The following GRIA1 variants were observed in gnomAD, a reference collection of about 807,000 sequenced individuals.
GRIA1 encodes glutamate receptor 1.
GRIA1 carries 31 observed loss-of-function variants against 99.2 expected under a neutral mutation model. The observed-to-expected ratio is 0.31, with a 90% CI of 0.23 to 0.42. The LOEUF is 0.42. GRIA1 is among the 10% of genes least tolerant of loss of function. GRIA1 has a pLI of 1.00. For synonymous variants in GRIA1, 438 were observed against 432.4 expected (o/e 1.01, Z -0.16); for missense variants, 782 against 1,157.5 (o/e 0.68, Z 4.71).
At chr5:153,631,183 T>C (rs991163866) in intron 2 of GRIA1, among the ~76,000 whole-genome samples, 2 of 152,164 alleles carry the variant, frequency 1.3e-5, no homozygotes, top group Admixed American at 1.3e-4. Flanking sequence ...AAGGGGAACA[T>C]CTAGATAATC....
intron 11 of GRIA1, among the ~76,000 whole-genome samples, chr5:153,751,943 C>G (rs961125351): frequency 6.6e-6 from 1 of 152,222 alleles, no homozygotes; most frequent in African/African-American, 2.4e-5. Context: ...TCTTTCCTCT[C>G]CCACAGCCCC....
At chr5:153,493,033 C>T (rs1656755214) in intron 1 of GRIA1, among the ~76,000 whole-genome samples, 1 of 152,154 alleles carries the variant, frequency 6.6e-6, no homozygotes, top group African/African-American at 2.4e-5. Flanking sequence ...CTAGAAATGG[C>T]TGATTTTAAT....
intron 5 of GRIA1, among the ~76,000 whole-genome samples, chr5:153,667,016 A>T (rs1237488939): frequency 6.6e-6 from 1 of 152,180 alleles, no homozygotes; most frequent in African/African-American, 2.4e-5. Context: ...CTTCTAATAT[A>T]AGACTTTTCA....
intron 11 of GRIA1, among the ~76,000 whole-genome samples, chr5:153,762,579 C>G (rs971012534): frequency 1.3e-5 from 2 of 152,254 alleles, no homozygotes; most frequent in African/African-American, 2.4e-5. Flanking sequence ...CCTGGTCTAC[C>G]TACTTATGAT....
At chr5:153,763,909 A>C (rs977030166) in intron 11 of GRIA1, among the ~76,000 whole-genome samples, 1 of 152,220 alleles carries the variant, frequency 6.6e-6, no homozygotes, top group Admixed American at 6.5e-5. Context: ...TTCTGATTCT[A>C]TTTCCAATGT....
chr5:153,608,958 G>A (rs535467862), intron 2 of GRIA1, among the ~76,000 whole-genome samples: 1 of 152,250 alleles, frequency 6.6e-6, no homozygotes, highest in Non-Finnish European at 1.5e-5. Context: ...GAGATGATTT[G>A]AAGCTACACT....
intron 11 of GRIA1, among the ~76,000 whole-genome samples, chr5:153,708,024 A>G (rs1191264756): frequency 6.6e-6 from 1 of 152,084 alleles, no homozygotes; most frequent in South Asian, 2.1e-4. Context: ...GTCAGAGAAG[A>G]CCCATGAACT....
At chr5:153,658,905 C>T (rs559364427) in intron 5 of GRIA1, among the ~76,000 whole-genome samples, 2 of 151,510 alleles carry the variant, frequency 1.3e-5, no homozygotes, top group African/African-American at 2.4e-5. Context: ...GAAGGGCTGC[C>T]GGAAGAGAGG....
intron 2 of GRIA1, among the ~76,000 whole-genome samples, chr5:153,533,944 G>T (rs1463747): frequency 0.38 from 57,259 of 152,128 alleles, 12,952 homozygotes; most frequent in Non-Finnish European, 0.51. Context: ...TGAAAAAAGT[G>T]CAGAGCTAAG....
chr5:153,509,080 A>C (rs949114836), intron 2 of GRIA1, among the ~76,000 whole-genome samples: 1 of 152,180 alleles, frequency 6.6e-6, no homozygotes, highest in African/African-American at 2.4e-5. Context: ...CCTAATGCTC[A>C]TGGGGCAGAA....
chr5:153,542,987 A>C (rs749550709), intron 2 of GRIA1, among the ~76,000 whole-genome samples: 5 of 152,240 alleles, frequency 3.3e-5, no homozygotes, highest in Non-Finnish European at 5.9e-5. Context: ...ATAAAAATAC[A>C]CTTCTTAGAG....
At chr5:153,615,517 GC>G (rs1029607301) in intron 2 of GRIA1, among the ~76,000 whole-genome samples, 1 of 152,164 alleles carries the variant, frequency 6.6e-6, no homozygotes, top group Non-Finnish European at 1.5e-5. Context: ...GGTGGCCTGT[GC>G]CTGTAATTCC....
chr5:153,718,698 C>A (rs1009068463), intron 11 of GRIA1, among the ~76,000 whole-genome samples: 1 of 152,150 alleles, frequency 6.6e-6, no homozygotes, highest in African/African-American at 2.4e-5. Context: ...TGTTAATCAC[C>A]TCACTTCCTT....
chr5:153,526,101 C>T (rs1248045719), intron 2 of GRIA1, among the ~76,000 whole-genome samples: 1 of 152,198 alleles, frequency 6.6e-6, no homozygotes, highest in Non-Finnish European at 1.5e-5. Context: ...TAAACTTGCT[C>T]ATGGGCCTCT....
chr5:153,518,623 T>A (rs191111602), intron 2 of GRIA1, among the ~76,000 whole-genome samples: 295 of 152,346 alleles, frequency 1.9e-3, no homozygotes, highest in Non-Finnish European at 2.2e-3. Context: ...ATTAATCATG[T>A]GTATACATGT....
chr5:153,709,355 G>A (rs932292412), intron 11 of GRIA1, among the ~76,000 whole-genome samples: 2 of 152,104 alleles, frequency 1.3e-5, no homozygotes, highest in African/African-American at 4.8e-5. Context: ...TTTAGTATTT[G>A]GGGAAATCAA....
At chr5:153,666,996 T>TAA (rs200277923) in intron 5 of GRIA1, among the ~76,000 whole-genome samples, 1 of 152,124 alleles carries the variant, frequency 6.6e-6, no homozygotes, top group African/African-American at 2.4e-5. Flanking sequence ...TTCCCACTTT[T>TAA]AAAAAAATAC....
At chr5:153,651,808 C>T (rs550788430) in intron 4 of GRIA1, among the ~76,000 whole-genome samples, 43 of 152,072 alleles carry the variant, frequency 2.8e-4, no homozygotes, top group South Asian at 6.2e-4. Flanking sequence ...TTCTCTGGGC[C>T]GGAGTCAGGG....
intron 2 of GRIA1, among the ~76,000 whole-genome samples, chr5:153,505,503 C>T (rs1755410208): frequency 1.3e-5 from 2 of 152,326 alleles, no homozygotes; most frequent in South Asian, 4.1e-4. Context: ...AAGGTAAATA[C>T]AGTAAGTAGA....
Sources: allele counts gnomAD v4.1 joint callset (sites outside exome capture counted in the v4.1 genomes callset), GRCh38; gene constraint gnomAD v4.1.1; transcripts MANE v1.5; gene names NCBI Gene and HGNC (gene_info 2026-07-23, HGNC 2026-07-21).